Variants in CTNNA2 observed in about 807,000 individuals in gnomAD.
The protein encoded by CTNNA2 is catenin alpha 2.
In CTNNA2, 42 loss-of-function variants were observed where a neutral mutation model predicts 101.0. The observed-to-expected ratio is 0.42, with a 90% CI of 0.32 to 0.54. The LOEUF (loss-of-function observed/expected upper bound fraction) is 0.54, where lower values mean the gene tolerates loss of function less well. Among genes scored for constraint, CTNNA2 ranks in the 20% least tolerant of loss-of-function variants. The pLI, the probability that CTNNA2 is intolerant of heterozygous loss-of-function variation, is 0.14. For missense variants in CTNNA2, 871 were observed against 1,223.1 expected (o/e 0.71, Z 4.29); for synonymous variants, 450 against 456.4 (o/e 0.99, Z 0.18).
At position 79,781,262 on chromosome 2, in the gene CTNNA2, G is replaced by A. The variant is rs554278383; in HGVS notation, c.298+36680G>A. Among the ~76,000 whole-genome samples the A allele has an allele frequency of 3.3e-5, 5 of 152,288 alleles. No homozygotes were observed. The South Asian group carries it at 1.0e-3, about 32-fold the overall frequency. On this transcript the variant is annotated intron_variant, in intron 3 of 18. Transcript: ENST00000402739. The stretch of plus-strand genomic sequence containing the variant: ...TCATGATGTTGGTGGGAGTGTAGCA[G>A]TGAGGACGACCAGAGATCACTCTCG...
intron 3 of CTNNA2, among the ~76,000 whole-genome samples, chr2:79,344,053 C>T (rs1208744540): frequency 6.6e-6 from 1 of 152,178 alleles, no homozygotes; most frequent in Non-Finnish European, 1.5e-5. Flanking sequence ...CCTTCATGCT[C>T]TCTTGTAGGT....
chr2:79,242,206 C>T (rs1411786554), intron 2 of CTNNA2, among the ~76,000 whole-genome samples: 1 of 152,086 alleles, frequency 6.6e-6, no homozygotes, highest in African/African-American at 2.4e-5. Flanking sequence ...GCGCCTGGCA[C>T]ATTTGGGTAA....
intron 7 of CTNNA2, among the ~76,000 whole-genome samples, chr2:80,095,918 C>T (rs563227538): frequency 1.8e-4 from 28 of 152,138 alleles, no homozygotes; most frequent in Admixed American, 4.6e-4. Flanking sequence ...GTCTTGCTAG[C>T]GATCTATTAA....
chr2:80,224,237 A>G (rs1224695467), intron 7 of CTNNA2, among the ~76,000 whole-genome samples: 1 of 152,116 alleles, frequency 6.6e-6, no homozygotes, highest in Non-Finnish European at 1.5e-5. Flanking sequence ...TATACCAACC[A>G]CATCATCTTC....
chr2:80,476,836 G>T (rs1169741673), intron 9 of CTNNA2, among the ~76,000 whole-genome samples: 1 of 152,190 alleles, frequency 6.6e-6, no homozygotes. Flanking sequence ...CTTAGTTTCA[G>T]AGGGTGGACT....
chr2:80,205,699 G>A (rs572499273), intron 7 of CTNNA2, among the ~76,000 whole-genome samples: 39 of 152,138 alleles, frequency 2.6e-4, no homozygotes, highest in East Asian at 7.7e-4. Flanking sequence ...CCTCTCTTGC[G>A]GTTTTCCAGA....
chr2:79,276,586 C>T (rs1044010521), intron 2 of CTNNA2, among the ~76,000 whole-genome samples: 66 of 152,008 alleles, frequency 4.3e-4, no homozygotes, highest in Middle Eastern at 3.2e-3. Flanking sequence ...ACCTGAATAC[C>T]TTTCATACTT....
At chr2:79,373,049 C>G (rs1338256996) in intron 3 of CTNNA2, among the ~76,000 whole-genome samples, 2 of 152,088 alleles carry the variant, frequency 1.3e-5, no homozygotes, top group Non-Finnish European at 2.9e-5. Context: ...TGGTATAATC[C>G]TTGGCAAAAT....
At chr2:79,655,284 G>T (rs1026043383) in intron 2 of CTNNA2, among the ~76,000 whole-genome samples, 6 of 152,106 alleles carry the variant, frequency 3.9e-5, no homozygotes, top group African/African-American at 1.4e-4. Context: ...GAAAATATTA[G>T]AATACAGTAC....
At chr2:80,484,045 A>G (rs1446804929) in intron 9 of CTNNA2, among the ~76,000 whole-genome samples, 1 of 152,222 alleles carries the variant, frequency 6.6e-6, no homozygotes, top group African/African-American at 2.4e-5. Context: ...ATGCTGTATA[A>G]AAAGAGTCAT....
Position 79,947,236 on chromosome 2 carries a change from AT to A in CTNNA2, c.1056+37446del, listed in dbSNP as rs1252885290. On this transcript the variant is annotated intron_variant, in intron 7 of 18. Transcript: ENST00000402739. ...GAAAATCTGACTCCTTAATGAGCACATTTTTTTCACTAAAGCCCTTTATTCA... is the reference window on the plus strand; with the variant it reads ...GAAAATCTGACTCCTTAATGAGCACATTTTTTCACTAAAGCCCTTTATTCA... Among the ~76,000 whole-genome samples the A allele has an allele frequency of 4.6e-5, 7 of 152,030 alleles. No individual in the cohort carries two copies. The East Asian group carries it at 1.2e-3, about 25-fold the overall frequency.
intron 2 of CTNNA2, among the ~76,000 whole-genome samples, chr2:79,660,117 A>G (rs776516209): frequency 1.3e-5 from 2 of 151,984 alleles, no homozygotes; most frequent in African/African-American, 2.4e-5. Flanking sequence ...ATACATACAT[A>G]TTACATACAA....
chr2:80,597,926 C>G (rs997326848), intron 15 of CTNNA2, among the ~76,000 whole-genome samples: 2 of 152,106 alleles, frequency 1.3e-5, no homozygotes, highest in Admixed American at 6.6e-5. Flanking sequence ...ACTCAAAGAT[C>G]TAGAACCAGA....
chr2:79,603,983 C>T (rs894982834), intron 1 of CTNNA2, among the ~76,000 whole-genome samples: 1 of 152,060 alleles, frequency 6.6e-6, no homozygotes, highest in African/African-American at 2.4e-5. Flanking sequence ...GTTGGAGGAC[C>T]CTGACTTGGG....
chr2:79,985,370 C>G (rs1434850550), intron 7 of CTNNA2, among the ~76,000 whole-genome samples: 1 of 152,202 alleles, frequency 6.6e-6, no homozygotes, highest in African/African-American at 2.4e-5. Flanking sequence ...CACAGCCTTT[C>G]AGCATTGCTC....
intron 7 of CTNNA2, among the ~76,000 whole-genome samples, chr2:79,941,488 T>A (rs1247600428): frequency 6.6e-6 from 1 of 152,240 alleles, no homozygotes; most frequent in Non-Finnish European, 1.5e-5. Context: ...GATGCATTAA[T>A]CTCACTAATG....
At chr2:80,436,244 G>A (rs1052359627) in intron 9 of CTNNA2, among the ~76,000 whole-genome samples, 5 of 152,180 alleles carry the variant, frequency 3.3e-5, no homozygotes, top group African/African-American at 1.2e-4. Flanking sequence ...GCATGAGCAT[G>A]CTGGTTACAG....
chr2:80,055,455 C>T (rs1697155838), intron 7 of CTNNA2, among the ~76,000 whole-genome samples: 1 of 152,144 alleles, frequency 6.6e-6, no homozygotes, highest in African/African-American at 2.4e-5. Context: ...TTGAGAGTAG[C>T]TAGCCAGTGG....
Position 80,647,809 on chromosome 2 carries a change from T to C in CTNNA2, c.2799T>C (p.Ser933=). The C allele has an allele frequency of 6.2e-7, 1 of 1,613,630 alleles. No homozygotes were observed. Among genetic ancestry groups the C allele is most frequent in the Non-Finnish European group, 8.5e-7 (1 of 1,179,606 alleles). The change falls in exon 19 of 19, where the codon TCT becomes TCC. Residue 933 remains serine (S), a synonymous_variant. Transcript: ENST00000402739. ...EEFQTRVRRG[S]QKKHISPVQA... The stretch of plus-strand genomic sequence containing the variant: ...TCCAGACACGAGTTCGACGAGGTTC[T>C]CAGAAGAAACACATTTCGCCTGTAC...
Sources: allele counts gnomAD v4.1 joint callset (sites outside exome capture counted in the v4.1 genomes callset), GRCh38; gene constraint gnomAD v4.1.1; transcripts MANE v1.5; gene names NCBI Gene and HGNC (gene_info 2026-07-23, HGNC 2026-07-21).